STAG1: variants seen among roughly 807,000 people sequenced by gnomAD.
STAG1 encodes cohesin subunit SA-1.
STAG1 carries 26 observed loss-of-function variants against 170.9 expected under a neutral mutation model. That is an observed-to-expected ratio of 0.15 (90% confidence interval 0.11 to 0.21). The LOEUF (loss-of-function observed/expected upper bound fraction) is 0.21. STAG1 is among the 10% of genes least tolerant of loss of function. The pLI, the probability that STAG1 is intolerant of heterozygous loss-of-function variation, is 1.00. For synonymous variants in STAG1, 514 were observed against 497.7 expected (o/e 1.03, Z -0.44); for missense variants, 964 against 1,509.5 (o/e 0.64, Z 5.99).
chr3:136,472,340 T>G, intron 12 of STAG1, 73 bp downstream of exon 12: 2 of 1,034,372 alleles, frequency 1.9e-6, no homozygotes, highest in Non-Finnish European at 3.0e-6. Context: ...TATATATAGA[T>G]AGGACATTAA....
chr3:136,380,690 C>T (rs147723161), intron 22 of STAG1, among the ~76,000 whole-genome samples: 4 of 152,028 alleles, frequency 2.6e-5, no homozygotes, highest in African/African-American at 9.6e-5. Context: ...GAGCTGCCTA[C>T]TAGAGGAATT....
At chr3:136,526,551 T>C (rs1412691428) in intron 6 of STAG1, among the ~76,000 whole-genome samples, 1 of 152,218 alleles carries the variant, frequency 6.6e-6, no homozygotes, top group African/African-American at 2.4e-5. Flanking sequence ...CTTTATCCAA[T>C]TTGCCAGTCT....
intron 30 of STAG1, among the ~76,000 whole-genome samples, 171 bp from the exon 31 acceptor site, chr3:136,341,722 G>A (rs1218130383): frequency 9.9e-5 from 15 of 152,214 alleles, no homozygotes. Context: ...AAAGATATCT[G>A]TAAGTCTCCA....
intron 1 of STAG1, among the ~76,000 whole-genome samples, chr3:136,682,529 C>A (rs1300488829): frequency 1.3e-5 from 2 of 150,526 alleles, no homozygotes; most frequent in East Asian, 3.9e-4. Flanking sequence ...CTTTTTATAA[C>A]CAATAAATTC....
chr3:136,664,228 C>T (rs751999840), intron 1 of STAG1, among the ~76,000 whole-genome samples: 2 of 152,092 alleles, frequency 1.3e-5, no homozygotes, highest in African/African-American at 4.8e-5. Context: ...TCCTATTTCA[C>T]GGAATTTTTC....
chr3:136,391,852 C>T (rs903370874), intron 22 of STAG1, among the ~76,000 whole-genome samples: 3 of 152,186 alleles, frequency 2.0e-5, no homozygotes, highest in Admixed American at 6.5e-5. Flanking sequence ...AAGACTGCCC[C>T]AGAGCTTCCA....
At chr3:136,532,622 T>G (rs1935429509) in intron 6 of STAG1, among the ~76,000 whole-genome samples, 1 of 152,050 alleles carries the variant, frequency 6.6e-6, no homozygotes, top group African/African-American at 2.4e-5. Context: ...CGTATGCAAA[T>G]CAACAAATGT....
intron 2 of STAG1, among the ~76,000 whole-genome samples, chr3:136,627,016 G>C (rs1040037563): frequency 2.6e-5 from 4 of 152,142 alleles, no homozygotes; most frequent in African/African-American, 9.7e-5. Flanking sequence ...GCAACTATAG[G>C]AGCAGGTTGG....
chr3:136,418,359 CCAAAAAAAAAAAA>C (rs1669292594), intron 20 of STAG1, among the ~76,000 whole-genome samples: 1 of 18,770 alleles, frequency 5.3e-5, no homozygotes, highest in African/African-American at 3.8e-4. Context: ...GACTCTGTCT[CCAAAAAAAAAAAA>C]AAAAAAAAAA....
At chr3:136,485,207 C>T (rs1240710510) in intron 9 of STAG1, among the ~76,000 whole-genome samples, 1 of 152,106 alleles carries the variant, frequency 6.6e-6, no homozygotes, top group African/African-American at 2.4e-5. Flanking sequence ...CCTGTAATCC[C>T]AGCACTTTGG....
At chr3:136,338,686 A>G (rs1935811330) in intron 32 of STAG1, among the ~76,000 whole-genome samples, 1 of 152,180 alleles carries the variant, frequency 6.6e-6, no homozygotes, top group African/African-American at 2.4e-5. Context: ...ACTATCATGA[A>G]TAAACAACAT....
intron 1 of STAG1, among the ~76,000 whole-genome samples, chr3:136,738,099 A>G (rs1934448307): frequency 6.6e-6 from 1 of 152,134 alleles, no homozygotes; most frequent in South Asian, 2.1e-4. Context: ...AATATAAAAT[A>G]CTAAAAAATG....
At chr3:136,607,864 G>A (rs1939041212) in intron 3 of STAG1, among the ~76,000 whole-genome samples, 2 of 152,184 alleles carry the variant, frequency 1.3e-5, no homozygotes, top group South Asian at 4.1e-4. Flanking sequence ...AGATGCTCCA[G>A]GTTCACCCTG....
intron 23 of STAG1, among the ~76,000 whole-genome samples, chr3:136,372,826 C>T (rs1937417802): frequency 6.6e-6 from 1 of 152,140 alleles, no homozygotes; most frequent in Admixed American, 6.5e-5. Flanking sequence ...TGTTGTGTCT[C>T]CGCCAGGCTT....
chr3:136,687,237 A>C (rs1559951537), intron 1 of STAG1, among the ~76,000 whole-genome samples: 1 of 152,242 alleles, frequency 6.6e-6, no homozygotes, highest in African/African-American at 2.4e-5. Context: ...CACAACAGGT[A>C]ATTCCATCTA....
rs201489981 is a variant in STAG1, at chr3:136,708,822, CAT to C, written c.-84+43371_-84+43372del. Among the ~76,000 whole-genome samples the C allele has an allele frequency of 6.4e-3, 970 of 152,172 alleles. 10 individuals are homozygous for C. The highest frequency in any genetic ancestry group is 0.023 in the African/African-American group (943 of 41,524). On this transcript the variant is annotated intron_variant, in intron 1 of 33. Transcript: ENST00000383202. ...GTTAAAAGTCATGGAAGTTTTGTAA[CAT>C]GTAGTAAATCCTGACAATTATTTAA... is the stretch of plus-strand genomic sequence containing the variant.
rs547906836 is a variant in STAG1, at chr3:136,454,375, C to A, written c.1314-2228G>T. Among the ~76,000 whole-genome samples the A allele has an allele frequency of 3.7e-4, 56 of 151,052 alleles. 1 individual carries two copies. The highest frequency in any genetic ancestry group is 1.3e-3 in the South Asian group (6 of 4,774). On this transcript the variant is annotated intron_variant, in intron 13 of 33. Coordinates refer to ENST00000383202, the MANE Select transcript of STAG1 (RefSeq NM_005862.3). ...GATTACAGGCCTGAGCCACCGTGAT[C>A]GGCTTATTTTATGTTTTTTTTGAGA...
intron 4 of STAG1, among the ~76,000 whole-genome samples, chr3:136,577,206 A>T (rs1012323728): frequency 2.0e-5 from 3 of 152,214 alleles, no homozygotes; most frequent in Admixed American, 2.0e-4. Flanking sequence ...TAAAACAAAA[A>T]GCTCAAGTCA....
At chr3:136,642,212 A>C (rs1940828923) in intron 1 of STAG1, among the ~76,000 whole-genome samples, 1 of 149,988 alleles carries the variant, frequency 6.7e-6, no homozygotes, top group South Asian at 2.1e-4. Context: ...TGCATATCCC[A>C]TAGAGTTCGA....
Sources: gnomAD v4.1 joint callset for allele counts (sites outside exome capture counted in the v4.1 genomes callset) on GRCh38, gnomAD v4.1.1 for gene constraint, MANE v1.5 for transcripts, NCBI Gene and HGNC (gene_info 2026-07-23, HGNC 2026-07-21) for gene names.